Variants in RPRD2 observed in about 807,000 individuals in gnomAD.
RPRD2 encodes the protein regulation of nuclear pre-mRNA domain containing 2, also known as regulation of nuclear pre-mRNA domain-containing protein 2.
Under a neutral mutation model 104.4 loss-of-function variants are expected in RPRD2, and 12 were observed. That is an observed-to-expected ratio of 0.11 (90% CI 0.07 to 0.19). The LOEUF (loss-of-function observed/expected upper bound fraction) is 0.19. Ranked by LOEUF, RPRD2 falls within the 10% of genes least tolerant of loss-of-function variation. The pLI, the probability that RPRD2 is intolerant of heterozygous loss-of-function variation, is 1.00. For synonymous variants in RPRD2, 714 were observed against 684.9 expected (o/e 1.04, Z -0.66); for missense variants, 1,543 against 1,790.1 (o/e 0.86, Z 2.49).
At chr1:150,371,943 C>A (rs1660336315) in intron 1 of RPRD2, among the ~76,000 whole-genome samples, 1 of 151,762 alleles carries the variant, frequency 6.6e-6, no homozygotes, top group Non-Finnish European at 1.5e-5. Context: ...GCATAACTAT[C>A]TCTTAGTGAT....
chr1:150,396,044 G>A (rs893767348), intron 1 of RPRD2, among the ~76,000 whole-genome samples: 1 of 152,134 alleles, frequency 6.6e-6, no homozygotes, highest in Non-Finnish European at 1.5e-5. Flanking sequence ...TCTTGGAGGA[G>A]TCAGGTGGTA....
intron 2 of RPRD2, among the ~76,000 whole-genome samples, chr1:150,438,553 C>G (rs1666179772): frequency 1.3e-5 from 2 of 150,648 alleles, no homozygotes; most frequent in Non-Finnish European, 1.5e-5. Flanking sequence ...CGTTTGAACC[C>G]AGGAGGCGGA....
intron 3 of RPRD2, 36 bp from the exon 4 acceptor site, chr1:150,441,845 A>G (rs1553894521): frequency 6.5e-7 from 1 of 1,534,882 alleles, no homozygotes; most frequent in East Asian, 2.3e-5. Context: ...ACAGCTTCCC[A>G]TAATGCCAGA....
intron 1 of RPRD2, among the ~76,000 whole-genome samples, chr1:150,415,470 C>T (rs1229793396): frequency 6.6e-6 from 1 of 151,894 alleles, no homozygotes; most frequent in African/African-American, 2.4e-5. Context: ...ATTGCTTGAG[C>T]CCAGGAGTAC....
chr1:150,474,715 T>C lies in RPRD2; in HGVS notation c.*1381T>C, dbSNP rs1404687672. The C allele has an allele frequency of 2.6e-5, 4 of 152,214 alleles. No individual in the cohort carries two copies. Among genetic ancestry groups the C allele is most frequent in the Non-Finnish European group, 5.9e-5 (4 of 68,046 alleles). 9.4% of individuals were successfully genotyped at this position (152,214 alleles called of 1,614,324 possible). A position where few individuals can be genotyped will look rare whatever the true frequency, so the allele number is the denominator to read the frequency against. On this transcript the variant is annotated 3_prime_UTR_variant, in exon 11 of 11. Transcript: ENST00000369068. ...TACAATTTTTTTTTAATTTAGTGTCTTACCCCAAGGCATACTCAACTGATA... is the reference window on the plus strand; with the variant it reads ...TACAATTTTTTTTTAATTTAGTGTCCTACCCCAAGGCATACTCAACTGATA...
intron 1 of RPRD2, among the ~76,000 whole-genome samples, chr1:150,404,203 T>C (rs1663286595): frequency 1.3e-5 from 2 of 152,178 alleles, no homozygotes; most frequent in East Asian, 3.8e-4. Context: ...AATATTAGTT[T>C]GAAATAATTT....
chr1:150,394,556 T>A (rs587618050), intron 1 of RPRD2, among the ~76,000 whole-genome samples: 1 of 152,266 alleles, frequency 6.6e-6, no homozygotes, highest in Admixed American at 6.5e-5. Context: ...TATAGGAATG[T>A]TTACTGAACT....
intron 4 of RPRD2, among the ~76,000 whole-genome samples, chr1:150,442,237 A>G (rs587702500): frequency 6.6e-6 from 1 of 152,266 alleles, no homozygotes; most frequent in African/African-American, 2.4e-5. Context: ...AAGAAGAAAA[A>G]AATACTTGAT....
At chr1:150,461,219 C>A (rs958872856) in intron 9 of RPRD2, among the ~76,000 whole-genome samples, 120 of 151,116 alleles carry the variant, frequency 7.9e-4, no homozygotes, top group African/African-American at 2.8e-3. Context: ...TATAGTGAGA[C>A]CCTATCTCTA....
In RPRD2 at chr1:150,460,097, T is replaced by C. The variant is rs782667278; in HGVS notation, c.1191T>C (p.Ala397=). The change falls in exon 9 of 11, where the codon GCT becomes GCC. Residue 397 remains alanine (A), a synonymous_variant. Transcript: ENST00000369068. ...AGGAAAAACCTGCAGAGAAGTCAGC[T>C]GTATCCACTTCTGTACCTACAAAGC... The part of the protein sequence containing the change: ...DRKEKPAEKS[A]VSTSVPTKPT... The C allele has an allele frequency of 6.8e-6, 11 of 1,613,856 alleles. No individual in the cohort carries two copies. The East Asian group carries it at 2.2e-4, about 33-fold the overall frequency.
rs145145770 is a variant in RPRD2, at chr1:150,422,340, A to AAATAAT, written c.335+4639_335+4644dup. ...GGTGACAGAGCAAGACTCTGTCTCA[A>AAATAAT]AATAATAATAATAATAATAATAATA... On this transcript the variant is annotated intron_variant, in intron 2 of 10. Transcript: ENST00000369068. Among the ~76,000 whole-genome samples the AAATAAT allele has an allele frequency of 7.6e-3, 978 of 128,308 alleles. 12 individuals are homozygous for AAATAAT. The highest frequency in any genetic ancestry group is 0.018 in the African/African-American group (672 of 37,842). The allele number at this position is 128,308 out of a possible 152,430, so 84.2% of individuals were successfully genotyped here.
At chr1:150,459,738 G>A (rs925539838) in intron 8 of RPRD2, among the ~76,000 whole-genome samples, 1 of 151,854 alleles carries the variant, frequency 6.6e-6, no homozygotes, top group African/African-American at 2.4e-5. Context: ...GATTATAGAC[G>A]CCTGCCACCA....
In RPRD2 at chr1:150,471,564, T is replaced by G; in HGVS notation, c.2616T>G (p.Ile872Met). The G allele has an allele frequency of 6.2e-7, 1 of 1,613,792 alleles. No homozygotes were observed. Among genetic ancestry groups the G allele is most frequent in the Non-Finnish European group, 8.5e-7 (1 of 1,179,860 alleles). ...KLSDTTEYQP[I>M]LSSYSHRAQE... ...CTGATACCACCGAGTACCAGCCAATTCTGTCCAGTTATAGCCACAGAGCCC... is the reference window on the plus strand; with the variant it reads ...CTGATACCACCGAGTACCAGCCAATGCTGTCCAGTTATAGCCACAGAGCCC... Residue 872 changes from isoleucine (I) to methionine (M), a missense_variant, in exon 11 of 11, where the codon ATT becomes ATG. Around this residue, in one of 4 missense-constraint regions of RPRD2, gnomAD observed 880 missense variants for 885.6 expected, o/e 0.99. Coordinates refer to ENST00000369068, the MANE Select transcript of RPRD2 (RefSeq NM_015203.5). This position sits in a 1 kb window ranked among gnomAD's most constrained non-coding sequence, Gnocchi z 5.3.
intron 2 of RPRD2, among the ~76,000 whole-genome samples, chr1:150,440,047 C>T (rs34906632): frequency 0.22 from 33,691 of 151,870 alleles, 4,254 homozygotes; most frequent in African/African-American, 0.32. Flanking sequence ...CAGTACAGTA[C>T]AGATCCTCTT....
At chr1:150,454,941 G>C (rs1268181617) in intron 7 of RPRD2, among the ~76,000 whole-genome samples, 3 of 152,080 alleles carry the variant, frequency 2.0e-5, no homozygotes, top group Admixed American at 6.6e-5. Context: ...AAATTCAAAA[G>C]ATATCTTTAA....
intron 1 of RPRD2, among the ~76,000 whole-genome samples, chr1:150,369,103 A>G (rs1660071125): frequency 6.6e-6 from 1 of 152,242 alleles, no homozygotes; most frequent in African/African-American, 2.4e-5. Context: ...GTTTGCCAAC[A>G]TAATGTGAAA....
At chr1:150,373,604 G>T (rs1660488200) in intron 1 of RPRD2, among the ~76,000 whole-genome samples, 2 of 142,076 alleles carry the variant, frequency 1.4e-5, no homozygotes, top group Non-Finnish European at 3.0e-5. Flanking sequence ...ATATGGGGAA[G>T]GCTGTGAGTG....
chr1:150,408,529 C>T (rs191306791), intron 1 of RPRD2, among the ~76,000 whole-genome samples: 2 of 152,212 alleles, frequency 1.3e-5, no homozygotes, highest in Admixed American at 6.5e-5. Context: ...TGTGTTTTCA[C>T]GAACTCTCAT....
chr1:150,460,145 C>T lies in RPRD2; in HGVS notation c.1239C>T (p.Ala413=), dbSNP rs369753598. The change falls in exon 9 of 11, where the codon GCC becomes GCT. Residue 413 remains alanine (A), a synonymous_variant. Coordinates refer to ENST00000369068, the MANE Select transcript of RPRD2 (RefSeq NM_015203.5). ...AGCCAACAGAAAATATCTCAAAGGCCTCTTCATGTACCCCAGTGCCTGTGA... is the reference window on the plus strand; with the variant it reads ...AGCCAACAGAAAATATCTCAAAGGCTTCTTCATGTACCCCAGTGCCTGTGA... ...PTKPTENISK[A]SSCTPVPVTM... 2 of 1,613,840 alleles carry T rather than the reference C, an allele frequency of 1.2e-6. No individual in the cohort carries two copies. The highest frequency in any genetic ancestry group is 2.7e-5 in the African/African-American group (2 of 74,908).
Sources: allele counts gnomAD v4.1 joint callset (sites outside exome capture counted in the v4.1 genomes callset), GRCh38; gene constraint gnomAD v4.1.1; regional missense constraint gnomAD v4.1.1; non-coding constraint Gnocchi (gnomAD v3.1); transcripts MANE v1.5; gene names NCBI Gene and HGNC (gene_info 2026-07-23, HGNC 2026-07-21).